MTUS2: variants seen among roughly 807,000 people sequenced by gnomAD.
MTUS2 encodes microtubule-associated tumor suppressor candidate 2.
MTUS2 carries 40 observed loss-of-function variants against 114.1 expected under a neutral mutation model. The ratio of observed to expected loss-of-function variants is 0.35; its 90% confidence interval spans 0.27 to 0.46. The LOEUF is 0.46. Ranked by LOEUF, MTUS2 falls within the 20% of genes least tolerant of loss-of-function variation. The pLI, the probability that MTUS2 is intolerant of heterozygous loss-of-function variation, is 1.00. For synonymous variants in MTUS2, 688 were observed against 672.0 expected, an observed-to-expected ratio of 1.02 and a Z score of -0.37; for missense variants, 1,679 against 1,705.4, an observed-to-expected ratio of 0.98 and a Z score of 0.27.
chr13:29,288,076 G>A lies in MTUS2; in HGVS notation c.2806+6211G>A, dbSNP rs115381814. 2.2e-3 allele frequency among the ~76,000 whole-genome samples: 338 copies of A among 152,308 alleles called. 3 individuals are homozygous for A. The highest frequency in any genetic ancestry group is 6.8e-3 in the African/African-American group (283 of 41,566). ...GGAGGACAAGTGTAGAGGAAAGACAGTAAATCTAGCTTTAGATGAGATGAG... is the reference window on the plus strand; with the variant it reads ...GGAGGACAAGTGTAGAGGAAAGACAATAAATCTAGCTTTAGATGAGATGAG... On this transcript the variant is annotated intron_variant, in intron 6 of 15. Coordinates refer to ENST00000612955, the MANE Select transcript of MTUS2 (RefSeq NM_001033602.4).
chr13:28,875,903 T>C (rs1378932529), intron 2 of MTUS2, among the ~76,000 whole-genome samples: 2 of 152,232 alleles, frequency 1.3e-5, no homozygotes, highest in African/African-American at 4.8e-5. Context: ...TAAAACCCGT[T>C]TAAAATTTTC....
chr13:28,984,231 A>G (rs1884479160), intron 2 of MTUS2, among the ~76,000 whole-genome samples: 1 of 152,198 alleles, frequency 6.6e-6, no homozygotes, highest in Non-Finnish European at 1.5e-5. Context: ...GTGAAGAATT[A>G]GGGGAAGGGT....
intron 7 of MTUS2, among the ~76,000 whole-genome samples, chr13:29,353,661 C>G (rs1869489177): frequency 6.6e-6 from 1 of 152,178 alleles, no homozygotes; most frequent in African/African-American, 2.4e-5. Flanking sequence ...GGAGTCTGAT[C>G]ATTCTGGGTT....
At chr13:29,156,197 AT>A (rs1364587721) in intron 5 of MTUS2, among the ~76,000 whole-genome samples, 1 of 152,076 alleles carries the variant, frequency 6.6e-6, no homozygotes, top group Non-Finnish European at 1.5e-5. Context: ...TCATGTTAAG[AT>A]GTTTGTAAGA....
chr13:29,440,112 T>A, intron 9 of MTUS2, 63 bp downstream of exon 9: 1 of 1,484,704 alleles, frequency 6.7e-7, no homozygotes, highest in Non-Finnish European at 9.2e-7. Flanking sequence ...TGTGAATGTG[T>A]ACCAAAAGCA....
At chr13:28,993,283 C>T (rs1277776309) in intron 2 of MTUS2, among the ~76,000 whole-genome samples, 1 of 152,122 alleles carries the variant, frequency 6.6e-6, no homozygotes, top group Non-Finnish European at 1.5e-5. Flanking sequence ...TGTGGTGATT[C>T]TAATTTTATT....
Position 29,505,345 on chromosome 13 carries a change from A to G in MTUS2, c.*2139A>G, listed in dbSNP as rs1320778910. On this transcript the variant is annotated 3_prime_UTR_variant, in exon 16 of 16. Coordinates refer to ENST00000612955, the MANE Select transcript of MTUS2 (RefSeq NM_001033602.4). ...AGGCTGCTGTGGTCAGAGTTGTAGC[A>G]TCGTTAGCACTAAGTAATTCCTCAT... is the stretch of plus-strand genomic sequence containing the variant. 8.6e-6 allele frequency: 2 copies of G among 231,704 alleles called. No homozygotes were observed. The highest frequency in any genetic ancestry group is 1.7e-5 in the Non-Finnish European group (2 of 116,954). 14.4% of individuals were successfully genotyped at this position (231,704 alleles called of 1,614,324 possible).
At chr13:28,923,515 A>G (rs557129837) in intron 2 of MTUS2, among the ~76,000 whole-genome samples, 167 of 152,304 alleles carry the variant, frequency 1.1e-3, no homozygotes, top group African/African-American at 3.9e-3. Context: ...ATCTCATGCC[A>G]TTGATGCTCC....
At chr13:29,272,853 T>G (rs1478370715) in intron 5 of MTUS2, among the ~76,000 whole-genome samples, 1 of 152,182 alleles carries the variant, frequency 6.6e-6, no homozygotes, top group Non-Finnish European at 1.5e-5. Flanking sequence ...GAACAGAAAC[T>G]TACTTTCTCA....
chr13:28,965,936 G>C (rs1384146057), intron 2 of MTUS2, among the ~76,000 whole-genome samples: 1 of 152,186 alleles, frequency 6.6e-6, no homozygotes, highest in Non-Finnish European at 1.5e-5. Flanking sequence ...CATCTAGATG[G>C]ATTTGCCTAA....
Position 29,474,210 on chromosome 13 carries a change from T to C in MTUS2, c.3185-5940T>C, listed in dbSNP as rs565791200. Among the ~76,000 whole-genome samples the C allele has an allele frequency of 5.4e-4, 83 of 152,310 alleles. 1 individual carries two copies. The South Asian group carries it at 0.016, about 30-fold the overall frequency. Reference sequence around the variant, plus strand: ...CTTTATAGACAGCAAAACTGAGGTGTACCCAGTTTGTGATTTATTTAAGAC... The same window carrying C: ...CTTTATAGACAGCAAAACTGAGGTGCACCCAGTTTGTGATTTATTTAAGAC... On this transcript the variant is annotated intron_variant, in intron 9 of 15. Coordinates refer to ENST00000612955, the MANE Select transcript of MTUS2 (RefSeq NM_001033602.4).
chr13:28,907,936 G>A (rs761185582), intron 2 of MTUS2, among the ~76,000 whole-genome samples: 4 of 151,434 alleles, frequency 2.6e-5, no homozygotes, highest in Non-Finnish European at 5.9e-5. Flanking sequence ...TGAGTAATCT[G>A]AATTGTGTTT....
chr13:28,882,999 T>C (rs1038866740), intron 2 of MTUS2, among the ~76,000 whole-genome samples: 1 of 152,174 alleles, frequency 6.6e-6, no homozygotes, highest in African/African-American at 2.4e-5. Context: ...GAGCAGACTT[T>C]ACAGACATTT....
At chr13:29,379,975 GT>G (rs1566166641) in intron 8 of MTUS2, among the ~76,000 whole-genome samples, 1 of 152,188 alleles carries the variant, frequency 6.6e-6, no homozygotes, top group Non-Finnish European at 1.5e-5. Context: ...TGGTGTGAGT[GT>G]TTTTTGACTG....
chr13:29,290,005 A>T (rs2139570952), intron 6 of MTUS2, among the ~76,000 whole-genome samples: 1 of 152,274 alleles, frequency 6.6e-6, no homozygotes, highest in Admixed American at 6.5e-5. Context: ...CCCCCTCAGA[A>T]ACCTGCATTC....
At chr13:28,982,149 A>G (rs558281939) in intron 2 of MTUS2, among the ~76,000 whole-genome samples, 1 of 152,274 alleles carries the variant, frequency 6.6e-6, no homozygotes, top group Admixed American at 6.5e-5. Context: ...ACAGGTAAGT[A>G]GGGTGCAGGG....
intron 6 of MTUS2, among the ~76,000 whole-genome samples, chr13:29,310,055 A>G (rs1446800262): frequency 6.6e-6 from 1 of 151,990 alleles, no homozygotes; most frequent in African/African-American, 2.4e-5. Context: ...AATCATCCCC[A>G]ATTGCCTGCA....
At chr13:28,965,614 G>A (rs891621873) in intron 2 of MTUS2, among the ~76,000 whole-genome samples, 6 of 151,908 alleles carry the variant, frequency 3.9e-5, no homozygotes, top group Admixed American at 2.6e-4. Context: ...ATACATATAT[G>A]TGTGTGTGTG....
intron 1 of MTUS2, among the ~76,000 whole-genome samples, chr13:28,828,276 C>T (rs1372328536): frequency 6.6e-6 from 1 of 152,200 alleles, no homozygotes; most frequent in East Asian, 1.9e-4. Flanking sequence ...CTCCCTTGTT[C>T]CCTCAACATT....
Sources: gnomAD v4.1 joint callset for allele counts (sites outside exome capture counted in the v4.1 genomes callset) on GRCh38, gnomAD v4.1.1 for gene constraint, MANE v1.5 for transcripts, NCBI Gene and HGNC (gene_info 2026-07-23, HGNC 2026-07-21) for gene names.